NXPE2: variants seen among roughly 807,000 people sequenced by gnomAD.
NXPE2 encodes the protein NXPE family member 2.
Under a neutral mutation model 34.4 loss-of-function variants are expected in NXPE2, and 34 were observed. The observed-to-expected ratio is 0.99, with a 90% CI of 0.75 to 1.31. NXPE2 has a LOEUF of 1.31. NXPE2 is among the 40% of genes most tolerant of loss of function. The probability of loss-of-function intolerance (pLI) is 0.00; values close to 1 mark genes in which losing one functional copy is unlikely to be tolerated. For missense variants in NXPE2, 649 were observed against 672.5 expected, an observed-to-expected ratio of 0.97 and a Z score of 0.39; for synonymous variants, 235 against 231.3, an observed-to-expected ratio of 1.02 and a Z score of -0.15.
At chr11:114,571,023 G>A in the NXPE2 span, 1 of 1,613,268 alleles carries the variant, frequency 6.2e-7, no homozygotes, top group Non-Finnish European at 8.5e-7. Context: ...ATATGCAATT[G>A]TTATATCCCA....
At chr11:114,710,991 C>T (rs2135580578), downstream of NXPE2, among the ~76,000 whole-genome samples, 1 of 152,194 alleles carries the variant, frequency 6.6e-6, no homozygotes, top group African/African-American at 2.4e-5. Flanking sequence ...GGAACAAAAA[C>T]TACATGATCA....
the NXPE2 span, among the ~76,000 whole-genome samples, chr11:114,620,953 G>C: frequency 1.3e-5 from 2 of 152,174 alleles, no homozygotes; most frequent in South Asian, 4.1e-4. Context: ...TTACCTGTTG[G>C]ATAATAAGTG....
At chr11:114,649,355 G>A in the NXPE2 span, among the ~76,000 whole-genome samples, 1 of 152,148 alleles carries the variant, frequency 6.6e-6, no homozygotes. Context: ...CTGGTGAATG[G>A]ATAGACACAA....
intron 2 of NXPE2, among the ~76,000 whole-genome samples, chr11:114,684,942 T>G (rs1517689): frequency 1.3e-5 from 2 of 151,962 alleles, no homozygotes; most frequent in South Asian, 4.2e-4. Context: ...GATATTGAAG[T>G]CTACCTGGAG....
the NXPE2 span, chr11:114,554,147 A>T: frequency 8.0e-5 from 79 of 985,450 alleles, no homozygotes; most frequent in Non-Finnish European, 9.2e-5. Flanking sequence ...ACAGGATTGA[A>T]TCAATGTACA....
Position 114,706,765 on chromosome 11 carries a change from T to C in NXPE2, c.1515T>C (p.Phe505=), listed in dbSNP as rs1015233744. ...AAAATGCAGAGATGTTCAGTGACTTTCATGGCTATATTCAGAATCTTATCA... is the reference window on the plus strand; with the variant it reads ...AAAATGCAGAGATGTTCAGTGACTTCCATGGCTATATTCAGAATCTTATCA... ...IEQNAEMFSD[F]HGYIQNLIIR... The change falls in exon 6 of 6, where the codon TTT becomes TTC. Residue 505 remains phenylalanine, a synonymous_variant. Transcript: ENST00000389586. 1 of 1,552,388 alleles carries C rather than the reference T, an allele frequency of 6.4e-7. No homozygotes were observed. Among genetic ancestry groups the C allele is most frequent in the Non-Finnish European group, 8.7e-7 (1 of 1,147,090 alleles).
intron 2 of NXPE2, among the ~76,000 whole-genome samples, chr11:114,689,040 C>A (rs967947931): frequency 1.3e-5 from 2 of 151,956 alleles, no homozygotes; most frequent in Non-Finnish European, 2.9e-5. Flanking sequence ...AAATAACCAA[C>A]TTTTTGTTTT....
the NXPE2 span, among the ~76,000 whole-genome samples, chr11:114,809,372 G>C: frequency 1.3e-5 from 2 of 151,610 alleles, no homozygotes; most frequent in South Asian, 2.1e-4. Context: ...GGAAAGAAAG[G>C]GTATTCAATT....
the NXPE2 span, among the ~76,000 whole-genome samples, chr11:114,549,521 G>A: frequency 6.6e-6 from 1 of 151,908 alleles, no homozygotes; most frequent in African/African-American, 2.4e-5. Flanking sequence ...AGCACAATAG[G>A]ACTTTGACAA....
downstream of NXPE2, among the ~76,000 whole-genome samples, chr11:114,708,636 AAAAAG>A (rs369604933): frequency 0.036 from 5,320 of 148,468 alleles, 98 homozygotes; most frequent in African/African-American, 0.057. Context: ...TCTCAAAAAA[AAAAAG>A]AAAAGAAAAG....
the NXPE2 span, chr11:114,582,933 A>G: frequency 1.2e-6 from 2 of 1,614,002 alleles, no homozygotes; most frequent in South Asian, 2.2e-5. Flanking sequence ...TAGTGGCTTT[A>G]ATGATATCAG....
chr11:114,514,662 T>G, the NXPE2 span, among the ~76,000 whole-genome samples: 1 of 152,168 alleles, frequency 6.6e-6, no homozygotes. Flanking sequence ...GTACAGGGAT[T>G]AGAGGCCTGA....
chr11:114,656,797 T>C, the NXPE2 span, among the ~76,000 whole-genome samples: 1 of 152,022 alleles, frequency 6.6e-6, no homozygotes, highest in African/African-American at 2.4e-5. Context: ...AAATAGTAAC[T>C]AGTAGTAGTA....
At chr11:114,606,368 A>T in the NXPE2 span, among the ~76,000 whole-genome samples, 4 of 151,620 alleles carry the variant, frequency 2.6e-5, no homozygotes, top group East Asian at 7.8e-4. Flanking sequence ...TACCCAGTGG[A>T]TACTTAGTGT....
chr11:114,520,046 C>T, the NXPE2 span, among the ~76,000 whole-genome samples: 1 of 152,010 alleles, frequency 6.6e-6, no homozygotes, highest in Admixed American at 6.6e-5. Context: ...TCGTGATCCT[C>T]CCGCTTAGGC....
At chr11:114,547,900 T>G in the NXPE2 span, among the ~76,000 whole-genome samples, 1 of 152,120 alleles carries the variant, frequency 6.6e-6, no homozygotes, top group South Asian at 2.1e-4. Flanking sequence ...ATGGAGGATA[T>G]TGGGTACAGG....
At chr11:114,629,920 A>G in the NXPE2 span, among the ~76,000 whole-genome samples, 3 of 150,642 alleles carry the variant, frequency 2.0e-5, no homozygotes, top group African/African-American at 7.3e-5. Context: ...TCCCATTCAC[A>G]ATTGCTTCAA....
the NXPE2 span, among the ~76,000 whole-genome samples, chr11:114,472,586 T>A: frequency 5.9e-5 from 9 of 152,110 alleles, no homozygotes; most frequent in African/African-American, 2.2e-4. Context: ...GGGTGGGTTA[T>A]AAACAACAGA....
Position 114,684,913 on chromosome 11 carries a change from T to A in NXPE2, c.132+5151T>A, listed in dbSNP as rs1225643575. On this transcript the variant is annotated intron_variant, in intron 2 of 5. Coordinates refer to ENST00000389586, the MANE Select transcript of NXPE2 (RefSeq NM_182495.6). Reference sequence around the variant, plus strand: ...TTCAGGAACACAGAAATTTAGGTATTGGAGGAACTGCCTCCATGGATATTG... The same window carrying A: ...TTCAGGAACACAGAAATTTAGGTATAGGAGGAACTGCCTCCATGGATATTG... Among the ~76,000 whole-genome samples, 3 of 152,188 alleles carry A rather than the reference T, an allele frequency of 2.0e-5. 1 individual carries two copies. Among genetic ancestry groups the A allele is most frequent in the African/African-American group, 7.2e-5 (3 of 41,458 alleles).
Sources: allele counts gnomAD v4.1 joint callset (sites outside exome capture counted in the v4.1 genomes callset), GRCh38; gene constraint gnomAD v4.1.1; transcripts MANE v1.5; gene names NCBI Gene and HGNC (gene_info 2026-07-23, HGNC 2026-07-21).